Variants in PACSIN2 observed in about 807,000 individuals in gnomAD.
The protein encoded by PACSIN2 is protein kinase C and casein kinase substrate in neurons 2.
A neutral mutation model predicts 63.8 loss-of-function variants in PACSIN2; 25 were observed. The ratio of observed to expected loss-of-function variants is 0.39; its 90% CI spans 0.29 to 0.55. The LOEUF is 0.55. Among genes scored for constraint, PACSIN2 ranks in the 20% least tolerant of loss-of-function variants. The probability of loss-of-function intolerance (pLI) is 0.62; values close to 1 mark genes in which losing one functional copy is unlikely to be tolerated. For missense variants in PACSIN2, 518 were observed against 646.9 expected (o/e 0.80, Z 2.16); for synonymous variants, 255 against 256.2 (o/e 1.00, Z 0.05).
intron 1 of PACSIN2, among the ~76,000 whole-genome samples, chr22:42,966,600 G>C (rs1446626217): frequency 6.6e-6 from 1 of 152,154 alleles, no homozygotes; most frequent in African/African-American, 2.4e-5. Flanking sequence ...CTAATTAATG[G>C]AGACAGCCCA....
intron 1 of PACSIN2, among the ~76,000 whole-genome samples, chr22:42,981,615 T>C (rs1248127714): frequency 3.7e-5 from 4 of 107,522 alleles, no homozygotes; most frequent in African/African-American, 1.1e-4. Context: ...AGGACCCCTC[T>C]GCCCGGCCAG....
At chr22:42,953,957 G>A (rs968989608) in intron 1 of PACSIN2, among the ~76,000 whole-genome samples, 2 of 152,138 alleles carry the variant, frequency 1.3e-5, no homozygotes, top group Non-Finnish European at 2.9e-5. Flanking sequence ...AGAACAGCAA[G>A]TACAAAGGTT....
intron 1 of PACSIN2, among the ~76,000 whole-genome samples, chr22:43,013,141 A>C (rs1012628962): frequency 2.0e-5 from 3 of 152,226 alleles, no homozygotes; most frequent in African/African-American, 7.2e-5. Flanking sequence ...TGAGATTAAA[A>C]GTGATAAAGT....
chr22:42,887,148 C>T (rs1354188051), intron 5 of PACSIN2, among the ~76,000 whole-genome samples: 1 of 152,188 alleles, frequency 6.6e-6, no homozygotes, highest in African/African-American at 2.4e-5. Context: ...CTGATCCCAC[C>T]GTGGAGGCAC....
At chr22:42,934,563 C>T (rs925675334) in intron 1 of PACSIN2, among the ~76,000 whole-genome samples, 4 of 152,264 alleles carry the variant, frequency 2.6e-5, no homozygotes, top group Non-Finnish European at 4.4e-5. Context: ...GATAGCCACA[C>T]GTGCAGCACA....
intron 1 of PACSIN2, among the ~76,000 whole-genome samples, chr22:43,010,197 C>T (rs529786561): frequency 8.6e-5 from 13 of 151,450 alleles, no homozygotes; most frequent in Non-Finnish European, 1.2e-4. Flanking sequence ...TTCTCATCTC[C>T]GTCTAGTTCA....
In PACSIN2 at chr22:42,955,312, C is replaced by A. The variant is rs1257971511; in HGVS notation, c.-77-43155G>T. On this transcript the variant is annotated intron_variant, in intron 1 of 10. Coordinates refer to ENST00000263246, the MANE Select transcript of PACSIN2 (RefSeq NM_001184970.3). ...ATGAATGAATGAACAAACAAACGAA[C>A]GAACGAACGAAAAAACAAATCAACT... is the stretch of plus-strand genomic sequence containing the variant. Among the ~76,000 whole-genome samples the A allele has an allele frequency of 4.6e-5, 7 of 152,076 alleles. 1 individual carries two copies. Among genetic ancestry groups the A allele is most frequent in the Admixed American group, 3.9e-4 (6 of 15,270 alleles).
intron 1 of PACSIN2, among the ~76,000 whole-genome samples, chr22:42,956,238 T>C (rs1485961478): frequency 2.6e-5 from 4 of 152,196 alleles, no homozygotes; most frequent in African/African-American, 9.7e-5. Context: ...TAACTTCCTA[T>C]TAGATTCTTT....
intron 1 of PACSIN2, among the ~76,000 whole-genome samples, chr22:42,940,141 A>G (rs1355713612): frequency 2.0e-5 from 3 of 152,204 alleles, no homozygotes; most frequent in Non-Finnish European, 4.4e-5. Flanking sequence ...GATGTTACCT[A>G]GTACTATTCC....
intron 1 of PACSIN2, among the ~76,000 whole-genome samples, chr22:42,943,861 C>T (rs148014533): frequency 1.1e-4 from 17 of 152,082 alleles, no homozygotes; most frequent in African/African-American, 4.1e-4. Context: ...AACTTTTGCA[C>T]AATACAATAT....
chr22:42,939,872 G>A (rs573533967), intron 1 of PACSIN2, among the ~76,000 whole-genome samples: 1 of 152,300 alleles, frequency 6.6e-6, no homozygotes, highest in South Asian at 2.1e-4. Flanking sequence ...GAGCACCTGC[G>A]ATGTTCCAGG....
chr22:42,971,849 G>A (rs1390968276), intron 1 of PACSIN2, among the ~76,000 whole-genome samples: 2 of 144,944 alleles, frequency 1.4e-5, no homozygotes, highest in Non-Finnish European at 3.0e-5. Context: ...GAGGGAGGTG[G>A]GGGGCAGCCC....
intron 1 of PACSIN2, among the ~76,000 whole-genome samples, chr22:42,973,625 C>T (rs1357463248): frequency 6.6e-6 from 1 of 152,262 alleles, no homozygotes; most frequent in Admixed American, 6.5e-5. Context: ...CTGTCTCCGC[C>T]CAGGTGTGGC....
At chr22:42,884,354 G>A in intron 6 of PACSIN2, 32 bp downstream of exon 6, 2 of 1,589,726 alleles carry the variant, frequency 1.3e-6, no homozygotes, top group Non-Finnish European at 1.7e-6. Context: ...TGACTTCAAT[G>A]ACGTGTGTGT....
chr22:42,898,056 A>G (rs1602205086), intron 2 of PACSIN2, among the ~76,000 whole-genome samples: 1 of 152,010 alleles, frequency 6.6e-6, no homozygotes, highest in South Asian at 2.1e-4. Flanking sequence ...GGGGGTGGGG[A>G]CATCCTGGAA....
At chr22:42,996,883 A>T (rs1467858229) in intron 1 of PACSIN2, among the ~76,000 whole-genome samples, 1 of 152,254 alleles carries the variant, frequency 6.6e-6, no homozygotes, top group Non-Finnish European at 1.5e-5. Flanking sequence ...CTCACTTGCA[A>T]AACAAAGTTG....
Position 42,910,367 on chromosome 22 carries a change from C to T in PACSIN2, c.60+1654G>A, listed in dbSNP as rs191032422. Among the ~76,000 whole-genome samples the T allele has an allele frequency of 5.6e-3, 846 of 152,340 alleles. 14 individuals carry two copies. The highest frequency in any genetic ancestry group is 8.1e-3 in the Non-Finnish European group (550 of 68,030). On this transcript the variant is annotated intron_variant, in intron 2 of 10. Coordinates refer to ENST00000263246, the MANE Select transcript of PACSIN2 (RefSeq NM_001184970.3). ...GTGTTGAGAACAAGGGCCTGCACTT[C>T]TAAAGGCTGGAGAGCTCACAGGAAG...
At chr22:43,014,770 T>G in intron 1 of PACSIN2, among the ~76,000 whole-genome samples, 5 of 36,630 alleles carry the variant, frequency 1.4e-4, no homozygotes, top group Non-Finnish European at 2.3e-4. Context: ...CCCCCGCCCC[T>G]TCCCCGAGCC....
chr22:42,893,289 G>A (rs986997452), intron 3 of PACSIN2, among the ~76,000 whole-genome samples, 168 bp downstream of exon 3: 3 of 152,172 alleles, frequency 2.0e-5, no homozygotes, highest in East Asian at 1.9e-4. Context: ...GGTGATGGGC[G>A]CTAATGCTCC....
Sources: allele counts gnomAD v4.1 joint callset (sites outside exome capture counted in the v4.1 genomes callset), GRCh38; gene constraint gnomAD v4.1.1; transcripts MANE v1.5; gene names NCBI Gene and HGNC (gene_info 2026-07-23, HGNC 2026-07-21).